MAML2: variants seen among roughly 807,000 people sequenced by gnomAD.
MAML2 encodes mastermind-like protein 2.
Under a neutral mutation model 96.1 loss-of-function variants are expected in MAML2, and 22 were observed. That is an observed-to-expected ratio of 0.23 (90% CI 0.16 to 0.33). The LOEUF is 0.33. Ranked by LOEUF, MAML2 falls within the 10% of genes least tolerant of loss-of-function variation. The probability of loss-of-function intolerance (pLI) is 1.00; values close to 1 mark genes in which losing one functional copy is unlikely to be tolerated. For missense variants in MAML2, 1,367 were observed against 1,392.4 expected (o/e 0.98, Z 0.29); for synonymous variants, 561 against 521.3 (o/e 1.08, Z -1.04).
intron 1 of MAML2, among the ~76,000 whole-genome samples, chr11:96,289,181 C>T (rs940414563): frequency 1.3e-4 from 20 of 152,148 alleles, no homozygotes; most frequent in African/African-American, 3.9e-4. Context: ...TCTAAAAATA[C>T]GACTGGGAAA....
At chr11:96,250,101 G>A (rs1206501381) in intron 1 of MAML2, among the ~76,000 whole-genome samples, 1 of 152,022 alleles carries the variant, frequency 6.6e-6, no homozygotes, top group Non-Finnish European at 1.5e-5. Context: ...CTTCCTGCAG[G>A]CCCGCTCTGC....
chr11:96,223,993 A>T (rs1014258451), intron 1 of MAML2, among the ~76,000 whole-genome samples: 12 of 152,220 alleles, frequency 7.9e-5, no homozygotes, highest in Admixed American at 7.9e-4. Context: ...TATTTTATGC[A>T]TAAGGGAAAA....
At chr11:96,196,422 T>C (rs960573840) in intron 1 of MAML2, among the ~76,000 whole-genome samples, 1 of 152,260 alleles carries the variant, frequency 6.6e-6, no homozygotes, top group African/African-American at 2.4e-5. Context: ...AATGCTATCT[T>C]GTTTTCCTGG....
At chr11:96,231,418 G>A (rs1194880483) in intron 1 of MAML2, among the ~76,000 whole-genome samples, 1 of 152,112 alleles carries the variant, frequency 6.6e-6, no homozygotes, top group Admixed American at 6.5e-5. Flanking sequence ...TGTAGCCTAC[G>A]CCATTAAGGA....
intron 3 of MAML2, among the ~76,000 whole-genome samples, chr11:95,990,436 T>C (rs753546413): frequency 6.6e-6 from 1 of 152,182 alleles, no homozygotes; most frequent in Non-Finnish European, 1.5e-5. Context: ...ATATGCTGGT[T>C]GTTCTGGCTG....
At chr11:96,103,457 T>A (rs1413703950) in intron 1 of MAML2, among the ~76,000 whole-genome samples, 1 of 152,168 alleles carries the variant, frequency 6.6e-6, no homozygotes, top group Non-Finnish European at 1.5e-5. Flanking sequence ...ACTTTAAATA[T>A]CAGCAAATCC....
intron 1 of MAML2, among the ~76,000 whole-genome samples, chr11:96,266,246 G>A (rs1848203681): frequency 6.6e-6 from 1 of 152,090 alleles, no homozygotes; most frequent in Admixed American, 6.5e-5. Flanking sequence ...TCAGTACCAA[G>A]CTGGTCTGTA....
chr11:96,326,972 G>A (rs1279563566), intron 1 of MAML2, among the ~76,000 whole-genome samples: 3 of 152,114 alleles, frequency 2.0e-5, no homozygotes, highest in Non-Finnish European at 2.9e-5. Flanking sequence ...AGGAAACAAC[G>A]TGAAATGCAC....
intron 2 of MAML2, among the ~76,000 whole-genome samples, chr11:96,026,659 G>T (rs551941864): frequency 7.4e-4 from 112 of 151,884 alleles, no homozygotes; most frequent in Non-Finnish European, 1.5e-3. Context: ...GCATCTGTTT[G>T]CTCAGCACAT....
intron 1 of MAML2, among the ~76,000 whole-genome samples, chr11:96,130,764 AT>A (rs1252169413): frequency 7.2e-6 from 1 of 138,352 alleles, no homozygotes; most frequent in Non-Finnish European, 1.6e-5. Context: ...CAAATTGTTT[AT>A]TCTGATTTTT....
chr11:96,193,877 C>T (rs1591065780), intron 1 of MAML2, among the ~76,000 whole-genome samples: 1 of 152,156 alleles, frequency 6.6e-6, no homozygotes, highest in East Asian at 1.9e-4. Context: ...CAAATTCTAC[C>T]ACCATATGGT....
chr11:96,192,452 G>T (rs79226805), intron 1 of MAML2, among the ~76,000 whole-genome samples: 2,375 of 152,200 alleles, frequency 0.016, 60 homozygotes, highest in African/African-American at 0.053. Flanking sequence ...ATATCACTGG[G>T]ACACAGATTT....
At chr11:96,175,441 C>A (rs993512609) in intron 1 of MAML2, among the ~76,000 whole-genome samples, 2 of 152,192 alleles carry the variant, frequency 1.3e-5, no homozygotes, top group Non-Finnish European at 2.9e-5. Flanking sequence ...TACCACAGAC[C>A]TTGTCATACA....
intron 1 of MAML2, among the ~76,000 whole-genome samples, chr11:96,326,365 G>C (rs201915204): frequency 0.054 from 8,109 of 151,102 alleles, 387 homozygotes; most frequent in East Asian, 0.26. Flanking sequence ...AAGCGTGTGT[G>C]TGTGTGTGTG....
chr11:96,203,120 T>C (rs760290244), intron 1 of MAML2, among the ~76,000 whole-genome samples: 2 of 152,206 alleles, frequency 1.3e-5, no homozygotes, highest in African/African-American at 4.8e-5. Flanking sequence ...CAAGCCTCCA[T>C]ATATTCATTT....
chr11:95,987,510 C>T (rs545206269), intron 3 of MAML2, among the ~76,000 whole-genome samples: 22 of 152,288 alleles, frequency 1.4e-4, no homozygotes, highest in African/African-American at 5.1e-4. Flanking sequence ...AGACGGAGAA[C>T]ACTATAATTA....
At chr11:96,314,694 CCT>C (rs1217955027) in intron 1 of MAML2, among the ~76,000 whole-genome samples, 1 of 152,220 alleles carries the variant, frequency 6.6e-6, no homozygotes, top group African/African-American at 2.4e-5. Context: ...AAATTCTAGC[CCT>C]GAGTCAACTA....
At chr11:96,148,960 C>T (rs1288082805) in intron 1 of MAML2, among the ~76,000 whole-genome samples, 1 of 152,168 alleles carries the variant, frequency 6.6e-6, no homozygotes, top group African/African-American at 2.4e-5. Context: ...GAATCCTGAC[C>T]TCACATATAG....
At chr11:96,070,783 T>A (rs1288584905) in intron 2 of MAML2, among the ~76,000 whole-genome samples, 8 of 152,276 alleles carry the variant, frequency 5.3e-5, no homozygotes, top group African/African-American at 1.9e-4. Context: ...AAAGTGCCAC[T>A]GGCCAGAGGT....
Sources: gnomAD v4.1 joint callset for allele counts (sites outside exome capture counted in the v4.1 genomes callset) on GRCh38, gnomAD v4.1.1 for gene constraint, MANE v1.5 for transcripts, NCBI Gene and HGNC (gene_info 2026-07-23, HGNC 2026-07-21) for gene names.